THSD4: variants seen among roughly 807,000 people sequenced by gnomAD.
THSD4 encodes the protein thrombospondin type-1 domain-containing protein 4.
In THSD4, 69 loss-of-function variants were observed where a neutral mutation model predicts 119.0. The observed-to-expected ratio is 0.58, with a 90% CI of 0.48 to 0.71. THSD4 has a LOEUF of 0.71. THSD4 is among the 30% of genes least tolerant of loss of function. The pLI is 0.00. For synonymous variants in THSD4, 524 were observed against 540.4 expected, an observed-to-expected ratio of 0.97 and a Z score of 0.42; for missense variants, 1,393 against 1,391.1, an observed-to-expected ratio of 1.00 and a Z score of -0.02.
chr15:71,568,817 A>G (rs2049293679), intron 7 of THSD4, among the ~76,000 whole-genome samples: 1 of 151,498 alleles, frequency 6.6e-6, no homozygotes, highest in Non-Finnish European at 1.5e-5. Context: ...TTCAGTTCCC[A>G]CCTATGAGTG....
chr15:71,437,265 T>G (rs966626431), intron 7 of THSD4, among the ~76,000 whole-genome samples: 1 of 152,222 alleles, frequency 6.6e-6, no homozygotes, highest in Non-Finnish European at 1.5e-5. Context: ...TCCACTCCCA[T>G]GGTCCAAACA....
intron 11 of THSD4, among the ~76,000 whole-genome samples, chr15:71,744,264 C>T (rs558626727): frequency 6.7e-6 from 1 of 149,560 alleles, no homozygotes; most frequent in South Asian, 2.1e-4. Flanking sequence ...AACAAAAAAC[C>T]TAAAACAGTT....
chr15:71,174,445 G>A lies in THSD4; in HGVS notation c.99+19513G>A, dbSNP rs867671066. Among the ~76,000 whole-genome samples, 184 of 144,166 alleles carry A rather than the reference G, an allele frequency of 1.3e-3. 1 individual carries two copies. In the South Asian group the frequency reaches 0.015, roughly 12 times the overall value. 94.6% of individuals were successfully genotyped at this position (144,166 alleles called of 152,430 possible). On this transcript the variant is annotated intron_variant, in intron 3 of 17. Transcript: ENST00000261862. Reference sequence around the variant, plus strand: ...TTTTCAGACCGGCTTAAGAAACGGCGCACCACGAGACTATATCCCACACCT... The same window carrying A: ...TTTTCAGACCGGCTTAAGAAACGGCACACCACGAGACTATATCCCACACCT...
At chr15:71,167,474 G>C (rs1308834676) in intron 3 of THSD4, among the ~76,000 whole-genome samples, 2 of 152,228 alleles carry the variant, frequency 1.3e-5, no homozygotes, top group Non-Finnish European at 2.9e-5. Flanking sequence ...GGTGTTAACT[G>C]CAAGTATACG....
At chr15:71,219,268 C>T (rs977412796) in intron 4 of THSD4, among the ~76,000 whole-genome samples, 1 of 152,170 alleles carries the variant, frequency 6.6e-6, no homozygotes, top group Non-Finnish European at 1.5e-5. Context: ...TCTCTAGGGG[C>T]CACCCTCAGA....
chr15:71,401,341 T>G (rs1415678565), intron 6 of THSD4, among the ~76,000 whole-genome samples: 1 of 152,208 alleles, frequency 6.6e-6, no homozygotes, highest in African/African-American at 2.4e-5. Flanking sequence ...GGATTTTGTT[T>G]CTAAGAACCT....
chr15:71,152,598 C>G (rs570482119), intron 2 of THSD4, among the ~76,000 whole-genome samples: 1 of 152,080 alleles, frequency 6.6e-6, no homozygotes, highest in Non-Finnish European at 1.5e-5. Flanking sequence ...GTTCCCTGCC[C>G]GGCCCACTCA....
At chr15:71,273,482 C>G (rs2044556530) in intron 6 of THSD4, among the ~76,000 whole-genome samples, 1 of 151,974 alleles carries the variant, frequency 6.6e-6, no homozygotes, top group Admixed American at 6.6e-5. Flanking sequence ...TATTGCACAG[C>G]AAGGTGACTA....
chr15:71,277,602 T>A (rs1250863302), intron 6 of THSD4, among the ~76,000 whole-genome samples: 1 of 152,172 alleles, frequency 6.6e-6, no homozygotes, highest in Non-Finnish European at 1.5e-5. Context: ...TACTTGGTAA[T>A]TGAGTATATG....
In THSD4 at chr15:71,351,021, G is replaced by A. The variant is rs576981124; in HGVS notation, c.1016-60666G>A. Among the ~76,000 whole-genome samples, 68 of 152,286 alleles carry A rather than the reference G, an allele frequency of 4.5e-4. No individual in the cohort carries two copies. The East Asian group carries it at 8.3e-3, about 19-fold the overall frequency. ...GCTGTGGTGGGAACAGCTTTGTACCGGTTGGGGTACCGATGACCTCTGCTT... is the reference window on the plus strand; with the variant it reads ...GCTGTGGTGGGAACAGCTTTGTACCAGTTGGGGTACCGATGACCTCTGCTT... On this transcript the variant is annotated intron_variant, in intron 6 of 17. Transcript: ENST00000261862.
chr15:71,109,838 G>A (rs2141343322), intron 1 of THSD4, among the ~76,000 whole-genome samples: 1 of 152,310 alleles, frequency 6.6e-6, no homozygotes, highest in East Asian at 1.9e-4. Flanking sequence ...AAGAGAGGCA[G>A]GATGAAGGTG....
At chr15:71,339,607 G>A (rs1281154803) in intron 6 of THSD4, among the ~76,000 whole-genome samples, 1 of 152,106 alleles carries the variant, frequency 6.6e-6, no homozygotes, top group African/African-American at 2.4e-5. Flanking sequence ...ACCTAGTATG[G>A]TAGGAACTTC....
At chr15:71,155,334 T>C (rs2040766228) in intron 3 of THSD4, among the ~76,000 whole-genome samples, 1 of 152,166 alleles carries the variant, frequency 6.6e-6, no homozygotes, top group Non-Finnish European at 1.5e-5. Context: ...GAGAACTCTT[T>C]ATTGCCATGA....
At chr15:71,151,063 A>AGGGCT (rs2040717889) in intron 2 of THSD4, among the ~76,000 whole-genome samples, 1 of 152,154 alleles carries the variant, frequency 6.6e-6, no homozygotes, top group South Asian at 2.1e-4. Flanking sequence ...TATGGAGAAA[A>AGGGCT]GGGCTGGGCT....
intron 7 of THSD4, among the ~76,000 whole-genome samples, chr15:71,539,074 G>A (rs143347676): frequency 3.9e-5 from 6 of 152,350 alleles, no homozygotes; most frequent in Admixed American, 3.9e-4. Context: ...AGAAGGGTAA[G>A]GATGCAGTGA....
At chr15:71,588,542 G>T (rs944386305) in intron 7 of THSD4, among the ~76,000 whole-genome samples, 1 of 151,976 alleles carries the variant, frequency 6.6e-6, no homozygotes, top group Non-Finnish European at 1.5e-5. Flanking sequence ...TCCTGCCTCA[G>T]CCTCCCTAGT....
At chr15:71,303,060 C>T (rs2044974415) in intron 6 of THSD4, among the ~76,000 whole-genome samples, 1 of 151,810 alleles carries the variant, frequency 6.6e-6, no homozygotes, top group Non-Finnish European at 1.5e-5. Context: ...CATAGCTCCT[C>T]ACCATGCTTT....
intron 7 of THSD4, among the ~76,000 whole-genome samples, chr15:71,609,812 A>T (rs1389221019): frequency 6.8e-6 from 1 of 147,620 alleles, no homozygotes; most frequent in East Asian, 2.0e-4. Context: ...AGATCATGCC[A>T]CTGCACTCCA....
intron 6 of THSD4, among the ~76,000 whole-genome samples, chr15:71,391,842 A>G (rs1042327025): frequency 6.6e-6 from 1 of 152,318 alleles, no homozygotes; most frequent in Middle Eastern, 3.4e-3. Flanking sequence ...GTCTCTGTCC[A>G]GATCCAATAA....
Sources: allele counts gnomAD v4.1 joint callset (sites outside exome capture counted in the v4.1 genomes callset), GRCh38; gene constraint gnomAD v4.1.1; transcripts MANE v1.5; gene names NCBI Gene and HGNC (gene_info 2026-07-23, HGNC 2026-07-21).